Variants in CLGN observed in about 807,000 individuals in gnomAD.
The protein encoded by CLGN is testis tissue sperm-binding protein Li 79P.
CLGN carries 62 observed loss-of-function variants against 79.1 expected under a neutral mutation model. The ratio of observed to expected loss-of-function variants is 0.78; its 90% CI spans 0.64 to 0.97. The LOEUF (loss-of-function observed/expected upper bound fraction) is 0.97. Among genes scored for constraint, CLGN ranks in the 50% least tolerant of loss-of-function variants. The probability of loss-of-function intolerance (pLI) is 0.00; values close to 1 mark genes in which losing one functional copy is unlikely to be tolerated. For synonymous variants in CLGN, 225 were observed against 224.7 expected (o/e 1.00, Z -0.01); for missense variants, 647 against 715.5 (o/e 0.90, Z 1.09).
chr4:140,406,985 T>C (rs1729120581), intron 4 of CLGN, among the ~76,000 whole-genome samples: 1 of 152,186 alleles, frequency 6.6e-6, no homozygotes, highest in Non-Finnish European at 1.5e-5. Context: ...ATGAGCACTT[T>C]TGAATCACAA....
intron 1 of CLGN, among the ~76,000 whole-genome samples, chr4:140,426,063 G>C (rs952527156): frequency 6.6e-6 from 1 of 152,114 alleles, no homozygotes; most frequent in Non-Finnish European, 1.5e-5. Context: ...TTCCAGAAGT[G>C]GTGTTTGACA....
chr4:140,410,519 A>G, intron 3 of CLGN, 34 bp downstream of exon 3: 1 of 1,457,798 alleles, frequency 6.9e-7, no homozygotes, highest in Admixed American at 1.7e-5. Context: ...AAGCTAATAA[A>G]TCAAAGAAAA....
At chr4:140,407,572 T>G (rs1729131344) in intron 4 of CLGN, among the ~76,000 whole-genome samples, 1 of 139,984 alleles carries the variant, frequency 7.1e-6, no homozygotes, top group Admixed American at 7.4e-5. Flanking sequence ...ACTCAATGAC[T>G]TTTACAATGG....
chr4:140,421,617 C>A (rs1446444036), intron 1 of CLGN, among the ~76,000 whole-genome samples: 1 of 152,044 alleles, frequency 6.6e-6, no homozygotes, highest in East Asian at 1.9e-4. Flanking sequence ...GGAAACATGT[C>A]TATTCAAGTC....
chr4:140,410,527 A>G, intron 3 of CLGN, 26 bp downstream of exon 3: 1 of 1,508,620 alleles, frequency 6.6e-7, no homozygotes, highest in Admixed American at 1.7e-5. Context: ...AAATCAAAGA[A>G]AACATTCTCT....
At chr4:140,407,680 A>C (rs1729134414) in intron 4 of CLGN, among the ~76,000 whole-genome samples, 1 of 152,146 alleles carries the variant, frequency 6.6e-6, no homozygotes, top group African/African-American at 2.4e-5. Flanking sequence ...GAAAAAAATC[A>C]TAGATGACAC....
chr4:140,400,714 A>T (rs2126620579), intron 6 of CLGN, among the ~76,000 whole-genome samples, 165 bp from the exon 7 acceptor site: 1 of 152,304 alleles, frequency 6.6e-6, no homozygotes, highest in Non-Finnish European at 1.5e-5. Context: ...GGAAAATGAC[A>T]AATTTTACTT....
rs7689854 is a variant in CLGN at position 140,389,694 on chromosome 4, C to T, written c.1753-390G>A. On this transcript the variant is annotated intron_variant, in intron 14 of 14. Transcript: ENST00000325617. ...GAAGAAATTCTCTTCACCTAGCTCTCCCTAAATATGGATATTCATACTAAA... is the reference window on the plus strand; with the variant it reads ...GAAGAAATTCTCTTCACCTAGCTCTTCCTAAATATGGATATTCATACTAAA... Among the ~76,000 whole-genome samples the T allele has an allele frequency of 4.8e-3, 735 of 151,870 alleles. 6 individuals carry two copies. The highest frequency in any genetic ancestry group is 0.016 in the African/African-American group (653 of 41,530).
In CLGN at chr4:140,424,831, C is replaced by T. The variant is rs1025454016; in HGVS notation, c.-10+2706G>A. Among the ~76,000 whole-genome samples the T allele has an allele frequency of 2.0e-5, 3 of 152,220 alleles. No homozygotes were observed. The East Asian group carries it at 5.8e-4, about 29-fold the overall frequency. ...GATCTCATGTATGTTCTCTGCACTGCTTCTGTGGTAGTTCAATAACAAATT... is the reference window on the plus strand; with the variant it reads ...GATCTCATGTATGTTCTCTGCACTGTTTCTGTGGTAGTTCAATAACAAATT... On this transcript the variant is annotated intron_variant, in intron 1 of 14. Coordinates refer to ENST00000325617, the MANE Select transcript of CLGN (RefSeq NM_004362.3).
At chr4:140,410,864 C>T (rs1241922753) in intron 2 of CLGN, among the ~76,000 whole-genome samples, 1 of 151,996 alleles carries the variant, frequency 6.6e-6, no homozygotes, top group Non-Finnish European at 1.5e-5. Flanking sequence ...CTGACCCCTT[C>T]TAACACAGAA....
intron 1 of CLGN, among the ~76,000 whole-genome samples, chr4:140,423,888 A>T (rs67477518): frequency 0.098 from 14,859 of 152,096 alleles, 859 homozygotes; most frequent in East Asian, 0.23. Flanking sequence ...TACCAATTTT[A>T]GTTATTTGAG....
intron 14 of CLGN, 37 bp from the exon 15 acceptor site, chr4:140,389,341 T>C (rs1728732140): frequency 7.0e-7 from 1 of 1,426,188 alleles, no homozygotes. Context: ...TCTTTTAGTA[T>C]AACACATAAC....
intron 2 of CLGN, among the ~76,000 whole-genome samples, chr4:140,411,647 C>A (rs1333034134): frequency 6.6e-6 from 1 of 151,978 alleles, no homozygotes; most frequent in Admixed American, 6.6e-5. Context: ...ACCCTGATAG[C>A]AAAACACTTC....
chr4:140,390,400 T>G (rs1728750103), intron 14 of CLGN, among the ~76,000 whole-genome samples: 1 of 151,824 alleles, frequency 6.6e-6, no homozygotes, highest in South Asian at 2.1e-4. Flanking sequence ...CTTTATATTT[T>G]GTACGCCACA....
intron 2 of CLGN, among the ~76,000 whole-genome samples, chr4:140,412,354 C>T (rs916131132): frequency 2.4e-4 from 37 of 152,078 alleles, no homozygotes; most frequent in African/African-American, 8.5e-4. Flanking sequence ...ATGAATATTC[C>T]TCAATGTAAA....
chr4:140,407,419 C>T (rs1255166493), intron 4 of CLGN, among the ~76,000 whole-genome samples: 1 of 151,906 alleles, frequency 6.6e-6, no homozygotes, highest in East Asian at 1.9e-4. Flanking sequence ...GATTGCATAC[C>T]TAGAAAACCC....
At chr4:140,410,303 A>G (rs1729186256) in intron 3 of CLGN, among the ~76,000 whole-genome samples, 1 of 152,048 alleles carries the variant, frequency 6.6e-6, no homozygotes, top group African/African-American at 2.4e-5. Flanking sequence ...AATCTGTCCT[A>G]GAGAATAAAG....
chr4:140,405,192 T>A (rs1339069172), intron 5 of CLGN, among the ~76,000 whole-genome samples: 5 of 27,432 alleles, frequency 1.8e-4, no homozygotes, highest in South Asian at 7.2e-4. Context: ...TTTTTTTTTA[T>A]TTTTTTTTTT....
At chr4:140,400,959 AAG>A (rs1281928878) in intron 6 of CLGN, among the ~76,000 whole-genome samples, 14 of 152,174 alleles carry the variant, frequency 9.2e-5, no homozygotes, top group Admixed American at 5.2e-4. Flanking sequence ...GCACAAGATG[AAG>A]AGAGATTCAT....
Sources: gnomAD v4.1 joint callset for allele counts (sites outside exome capture counted in the v4.1 genomes callset) on GRCh38, gnomAD v4.1.1 for gene constraint, MANE v1.5 for transcripts, NCBI Gene and HGNC (gene_info 2026-07-23, HGNC 2026-07-21) for gene names.